Variants in HIF1A observed in about 807,000 individuals in gnomAD.
HIF1A encodes hypoxia inducible factor 1 subunit alpha.
HIF1A carries 24 observed loss-of-function variants against 92.7 expected under a neutral mutation model. The ratio of observed to expected loss-of-function variants is 0.26; its 90% CI spans 0.19 to 0.36. The LOEUF is 0.36. HIF1A is among the 10% of genes least tolerant of loss of function. The probability of loss-of-function intolerance (pLI) is 1.00; values close to 1 mark genes in which losing one functional copy is unlikely to be tolerated. For missense variants in HIF1A, 799 were observed against 998.5 expected, an observed-to-expected ratio of 0.80 and a Z score of 2.69; for synonymous variants, 319 against 338.7, an observed-to-expected ratio of 0.94 and a Z score of 0.64.
intron 8 of HIF1A, among the ~76,000 whole-genome samples, chr14:61,735,144 T>C (rs2044620578): frequency 6.6e-6 from 1 of 152,248 alleles, no homozygotes; most frequent in Non-Finnish European, 1.5e-5. Flanking sequence ...AGCTTTCTAG[T>C]GTGGATATGT....
intron 1 of HIF1A, among the ~76,000 whole-genome samples, chr14:61,701,785 C>T (rs2044179528): frequency 6.6e-6 from 1 of 151,964 alleles, no homozygotes; most frequent in Non-Finnish European, 1.5e-5. Flanking sequence ...GTCAGGAGTT[C>T]GAGACCAGCC....
chr14:61,747,700 G>A lies in HIF1A; in HGVS notation c.*615G>A, dbSNP rs1033135776. ...AATCATATAATAATGATTCTTAAAT[G>A]CTGTATGGTTTATTATTTAAATGGG... On this transcript the variant is annotated 3_prime_UTR_variant, in exon 15 of 15. Coordinates refer to ENST00000337138, the MANE Select transcript of HIF1A (RefSeq NM_001530.4). The A allele has an allele frequency of 1.3e-5, 2 of 152,498 alleles. No individual in the cohort carries two copies. Among genetic ancestry groups the A allele is most frequent in the African/African-American group, 4.8e-5 (2 of 41,422 alleles). 9.4% of individuals were successfully genotyped at this position (152,498 alleles called of 1,614,324 possible).
intron 1 of HIF1A, among the ~76,000 whole-genome samples, chr14:61,702,146 G>A (rs186620155): frequency 4.0e-5 from 6 of 151,602 alleles, no homozygotes; most frequent in Admixed American, 6.6e-5. Flanking sequence ...AAATATTGTC[G>A]GCCCGGCACG....
At position 61,738,257 on chromosome 14, in the gene HIF1A, G is replaced by A; in HGVS notation, c.1420G>A (p.Val474Ile). Residue 474 changes from valine (V) to isoleucine (I), a missense_variant, in exon 10 of 15, where the codon GTT becomes ATT. Physicochemically the swap from Val to Ile is conservative, Grantham distance 29. This residue lies in a region of HIF1A where 516 missense variants were observed against 721.0 expected (regional missense o/e 0.72). Coordinates refer to ENST00000337138, the MANE Select transcript of HIF1A (RefSeq NM_001530.4). ...TGCTGACCCTGCACTCAATCAAGAA[G>A]TTGCATTAAAATTAGAACCAAATCC... ...SSADPALNQEVALKLEPNPES... is the reference protein window; with the variant it reads ...SSADPALNQEIALKLEPNPES... The A allele has an allele frequency of 6.2e-7, 1 of 1,614,114 alleles. No individual in the cohort carries two copies. Among genetic ancestry groups the A allele is most frequent in the Non-Finnish European group, 8.5e-7 (1 of 1,180,024 alleles).
At chr14:61,736,092 C>A (rs931638563) in intron 8 of HIF1A, among the ~76,000 whole-genome samples, 6 of 150,838 alleles carry the variant, frequency 4.0e-5, no homozygotes, top group Non-Finnish European at 7.4e-5. Context: ...GATTCTCATG[C>A]CTCAGCCTCC....
intron 12 of HIF1A, among the ~76,000 whole-genome samples, 176 bp downstream of exon 12, chr14:61,741,364 C>CT (rs34138408): frequency 0.81 from 111,089 of 136,976 alleles, 46,260 homozygotes; most frequent in Non-Finnish European, 0.9. Context: ...CTTTTTCTTT[C>CT]TTTTTTTTTT....
Position 61,745,799 on chromosome 14 carries a change from A to G in HIF1A, c.2311A>G (p.Ile771Val), listed in dbSNP as rs1566579906. 6.2e-7 allele frequency: 1 copy of G among 1,611,366 alleles called. No individual in the cohort carries two copies. Among genetic ancestry groups the G allele is most frequent in the Admixed American group, 1.7e-5 (1 of 59,768 alleles). Residue 771 changes from isoleucine to valine, a missense_variant, in exon 14 of 15, where the codon ATT (isoleucine) becomes GTT (valine). By Grantham distance (29) the Ile-to-Val change is conservative. Transcript: ENST00000337138. ...ACAGAATGGAATGGAGCAAAAGACA[A>G]TTATTTTAATACCCTCTGGTTAGTT... ...SEQNGMEQKT[I>V]ILIPSDLACR...
intron 1 of HIF1A, among the ~76,000 whole-genome samples, chr14:61,714,988 C>T (rs1263994723): frequency 6.6e-6 from 1 of 151,966 alleles, no homozygotes; most frequent in Non-Finnish European, 1.5e-5. Context: ...GAGCCGAGAT[C>T]GCGCCATTGC....
chr14:61,699,488 T>C (rs1408879423), intron 1 of HIF1A, among the ~76,000 whole-genome samples: 2 of 151,158 alleles, frequency 1.3e-5, no homozygotes, highest in African/African-American at 4.9e-5. Context: ...AGAACTCAGT[T>C]TATTATGTTT....
Position 61,735,971 on chromosome 14 carries a change from G to A in HIF1A, c.1029-918G>A, listed in dbSNP as rs192227938. Among the ~76,000 whole-genome samples the A allele has an allele frequency of 5.4e-3, 813 of 149,746 alleles. 10 individuals are homozygous for A. The highest frequency in any genetic ancestry group is 4.4e-3 in the Non-Finnish European group (301 of 67,708). On this transcript the variant is annotated intron_variant, in intron 8 of 14. Coordinates refer to ENST00000337138, the MANE Select transcript of HIF1A (RefSeq NM_001530.4). ...CCTTGCCATTACTACTCTTCTCAAA[G>A]GATATCTGAAATTCTTTTTTTCTTT...
intron 8 of HIF1A, among the ~76,000 whole-genome samples, chr14:61,735,993 CTTTTTTTT>C (rs10658676): frequency 6.9e-6 from 1 of 144,190 alleles, no homozygotes; most frequent in Non-Finnish European, 1.5e-5. Flanking sequence ...TTCTTTTTTT[CTTTTTTTT>C]TTTTGAGATG....
At chr14:61,744,086 A>G (rs1320496506) in intron 12 of HIF1A, among the ~76,000 whole-genome samples, 2 of 152,238 alleles carry the variant, frequency 1.3e-5, no homozygotes, top group South Asian at 2.1e-4. Context: ...TTGTATTTCA[A>G]TAGTCCCAAC....
intron 1 of HIF1A, among the ~76,000 whole-genome samples, chr14:61,710,000 T>C (rs2044287858): frequency 6.6e-6 from 1 of 152,164 alleles, no homozygotes; most frequent in South Asian, 2.1e-4. Flanking sequence ...TAAACTTTGC[T>C]AACACTGTAT....
At chr14:61,728,390 C>T (rs2140143781) in intron 6 of HIF1A, among the ~76,000 whole-genome samples, 1 of 152,322 alleles carries the variant, frequency 6.6e-6, no homozygotes, top group South Asian at 2.1e-4. Flanking sequence ...CACATTTCTT[C>T]CTGTAACTAA....
At chr14:61,725,299 C>T (rs1157738910) in intron 4 of HIF1A, among the ~76,000 whole-genome samples, 1 of 152,194 alleles carries the variant, frequency 6.6e-6, no homozygotes, top group Non-Finnish European at 1.5e-5. Context: ...GTATCTTACT[C>T]ATCTTTGTAT....
In HIF1A at chr14:61,721,597, T is replaced by A; in HGVS notation, c.315T>A (p.Asp105Glu). ...ATGGTTTTGTTATGGTTCTCACAGA[T>A]GATGGTGACATGATTTACATTTCTG... ...ALDGFVMVLT[D>E]DGDMIYISDN... Residue 105 changes from aspartate to glutamate, a missense_variant, in exon 3 of 15, where the codon GAT becomes GAA. Coordinates refer to ENST00000337138, the MANE Select transcript of HIF1A (RefSeq NM_001530.4). 6.2e-7 allele frequency: 1 copy of A among 1,613,140 alleles called. No individual in the cohort carries two copies. The highest frequency in any genetic ancestry group is 8.5e-7 in the Non-Finnish European group (1 of 1,179,238).
rs72173075 is a variant in HIF1A at position 61,716,462 on chromosome 14, TCTG to T, written c.36-3917_36-3915del. Among the ~76,000 whole-genome samples the T allele has an allele frequency of 5.0e-3, 764 of 152,328 alleles. 6 individuals carry two copies. The highest frequency in any genetic ancestry group is 0.017 in the African/African-American group (719 of 41,572). ...ACTTTATTAGAAGTAAATCTGATAA[TCTG>T]CTCACATTTTAAATAGTTATGGTTT... On this transcript the variant is annotated intron_variant, in intron 1 of 14. Coordinates refer to ENST00000337138, the MANE Select transcript of HIF1A (RefSeq NM_001530.4).
intron 2 of HIF1A, 126 bp from the exon 3 acceptor site, chr14:61,721,383 G>T (rs918618826): frequency 4.4e-6 from 3 of 681,268 alleles, no homozygotes; most frequent in African/African-American, 1.8e-5. Context: ...GCACTTTTCT[G>T]TGTTGAAATG....
intron 1 of HIF1A, among the ~76,000 whole-genome samples, chr14:61,708,578 T>C (rs1261620428): frequency 6.6e-6 from 1 of 151,572 alleles, no homozygotes; most frequent in Admixed American, 6.6e-5. Flanking sequence ...CCCCATTTCT[T>C]GTTTTTGTCA....
Sources: allele counts gnomAD v4.1 joint callset (sites outside exome capture counted in the v4.1 genomes callset), GRCh38; gene constraint gnomAD v4.1.1; regional missense constraint gnomAD v4.1.1; transcripts MANE v1.5; gene names NCBI Gene and HGNC (gene_info 2026-07-23, HGNC 2026-07-21).